HDAC9: variants seen among roughly 807,000 people sequenced by gnomAD.
The protein encoded by HDAC9 is histone deacetylase 9.
Under a neutral mutation model 139.4 loss-of-function variants are expected in HDAC9, and 41 were observed. The observed-to-expected ratio is 0.29, with a 90% CI of 0.23 to 0.38. The LOEUF is 0.38. Ranked by LOEUF, HDAC9 falls within the 10% of genes least tolerant of loss-of-function variation. HDAC9 has a pLI of 1.00. For synonymous variants in HDAC9, 517 were observed against 476.2 expected (o/e 1.09, Z -1.12); for missense variants, 1,147 against 1,297.0 (o/e 0.88, Z 1.78).
intron 2 of HDAC9, among the ~76,000 whole-genome samples, chr7:18,262,304 G>T (rs1795731677): frequency 6.6e-6 from 1 of 152,154 alleles, no homozygotes; most frequent in East Asian, 1.9e-4. Context: ...TCTCTTCAGA[G>T]ACCATGGAGG....
intron 1 of HDAC9, among the ~76,000 whole-genome samples, chr7:18,108,911 G>A (rs780431858): frequency 2.6e-5 from 4 of 152,074 alleles, no homozygotes; most frequent in South Asian, 2.1e-4. Flanking sequence ...GAGCCACTGC[G>A]CCTGGCCACA....
chr7:18,189,413 A>T (rs1013365418), intron 2 of HDAC9, among the ~76,000 whole-genome samples: 6 of 152,200 alleles, frequency 3.9e-5, no homozygotes, highest in Admixed American at 3.9e-4. Context: ...TGGCACATAT[A>T]TACCTATGTG....
chr7:18,199,486 A>T (rs1790953336), intron 2 of HDAC9, among the ~76,000 whole-genome samples: 1 of 152,130 alleles, frequency 6.6e-6, no homozygotes. Flanking sequence ...GCAATCTGAT[A>T]GATAAGAGAT....
intron 22 of HDAC9, among the ~76,000 whole-genome samples, chr7:18,888,964 C>T (rs1295639543): frequency 1.3e-5 from 2 of 152,170 alleles, no homozygotes; most frequent in Non-Finnish European, 2.9e-5. Flanking sequence ...CTATAAGCTA[C>T]AGAAATTACC....
At chr7:18,729,854 A>T (rs754009470) in intron 13 of HDAC9, among the ~76,000 whole-genome samples, 62 of 152,234 alleles carry the variant, frequency 4.1e-4, no homozygotes, top group Non-Finnish European at 7.3e-5. Flanking sequence ...TTTGTACTTA[A>T]TAGGCATTCA....
chr7:18,374,800 G>A (rs1288138852), intron 1 of HDAC9, among the ~76,000 whole-genome samples: 2 of 151,986 alleles, frequency 1.3e-5, no homozygotes, highest in East Asian at 1.9e-4. Context: ...GCATAACAAT[G>A]TTTGGGTCAA....
At chr7:18,211,005 T>TTACTTAAAATGCATGCAAA (rs1389256946) in intron 2 of HDAC9, among the ~76,000 whole-genome samples, 1 of 152,152 alleles carries the variant, frequency 6.6e-6, no homozygotes, top group East Asian at 1.9e-4. Context: ...ATGACCACAG[T>TTACTTAAAATGCATGCAAA]TACTTAAAAT....
intron 22 of HDAC9, chr7:18,892,501 A>G (rs1454149270): frequency 6.6e-6 from 1 of 152,120 alleles, no homozygotes; most frequent in Non-Finnish European, 1.5e-5. Context: ...GTCTACATTT[A>G]TATCAGAAAT....
intron 17 of HDAC9, among the ~76,000 whole-genome samples, chr7:18,809,635 C>T (rs948432186): frequency 1.3e-5 from 2 of 151,842 alleles, no homozygotes; most frequent in African/African-American, 4.8e-5. Context: ...TACTCAACAT[C>T]GCTAATTATC....
At chr7:18,915,644 T>C (rs1408814883) in intron 22 of HDAC9, among the ~76,000 whole-genome samples, 1 of 41,954 alleles carries the variant, frequency 2.4e-5, no homozygotes, top group East Asian at 4.3e-4. Flanking sequence ...TTTCTGCCAT[T>C]GTTAAAAAAA....
At chr7:18,694,467 G>A (rs1024082802) in intron 12 of HDAC9, among the ~76,000 whole-genome samples, 74 of 152,230 alleles carry the variant, frequency 4.9e-4, no homozygotes, top group African/African-American at 1.8e-3. Context: ...GGTGTCTCGG[G>A]AGTGTTCAGA....
rs1436949361 is a variant in HDAC9, at chr7:18,554,111, C to T, written c.23-31170C>T. Reference sequence around the variant, plus strand: ...ATAAGTCCATATATTTATCAGATGTCCTCTAGAGAAGGTATTAATTCTAAT... The same window carrying T: ...ATAAGTCCATATATTTATCAGATGTTCTCTAGAGAAGGTATTAATTCTAAT... On this transcript the variant is annotated intron_variant, in intron 2 of 25. Transcript: ENST00000686413. 2.0e-5 allele frequency among the ~76,000 whole-genome samples: 3 copies of T among 152,096 alleles called. No individual in the cohort carries two copies. The East Asian group carries it at 5.8e-4, about 29-fold the overall frequency.
At chr7:18,152,974 C>G (rs773970674) in intron 1 of HDAC9, among the ~76,000 whole-genome samples, 3 of 152,122 alleles carry the variant, frequency 2.0e-5, no homozygotes, top group Non-Finnish European at 4.4e-5. Context: ...GACAAAGGAA[C>G]AGCATTGGCT....
intron 1 of HDAC9, among the ~76,000 whole-genome samples, chr7:18,308,721 G>A (rs628095): frequency 0.19 from 29,541 of 151,870 alleles, 3,094 homozygotes; most frequent in African/African-American, 0.26. Flanking sequence ...ATGTGTGTAC[G>A]TGTGTATATA....
intron 2 of HDAC9, among the ~76,000 whole-genome samples, chr7:18,545,351 T>C (rs750818615): frequency 2.0e-5 from 3 of 152,110 alleles, no homozygotes; most frequent in Non-Finnish European, 2.9e-5. Flanking sequence ...ACTTGGTGAA[T>C]ATCACTGTGG....
At chr7:18,619,178 A>G (rs1157686780) in intron 6 of HDAC9, among the ~76,000 whole-genome samples, 1 of 152,164 alleles carries the variant, frequency 6.6e-6, no homozygotes, top group Non-Finnish European at 1.5e-5. Flanking sequence ...AGTATTTGTG[A>G]TGCTTGCCAG....
intron 2 of HDAC9, chr7:18,505,945 C>G (rs1195186774): frequency 6.6e-6 from 1 of 152,170 alleles, no homozygotes; most frequent in Admixed American, 6.5e-5. Flanking sequence ...CTCGGTATTT[C>G]TATCTTATGG....
At chr7:18,854,564 C>T (rs1193884873) in intron 21 of HDAC9, among the ~76,000 whole-genome samples, 3 of 150,774 alleles carry the variant, frequency 2.0e-5, no homozygotes, top group African/African-American at 4.9e-5. Flanking sequence ...GAAGAAGAGT[C>T]AATAGGAGGG....
chr7:18,489,191 G>A (rs886837717), intron 1 of HDAC9, among the ~76,000 whole-genome samples: 10 of 152,042 alleles, frequency 6.6e-5, no homozygotes, highest in African/African-American at 2.4e-4. Context: ...CTAAGCTCTG[G>A]TAATACAGGA....
Sources: allele counts gnomAD v4.1 joint callset (sites outside exome capture counted in the v4.1 genomes callset), GRCh38; gene constraint gnomAD v4.1.1; transcripts MANE v1.5; gene names NCBI Gene and HGNC (gene_info 2026-07-23, HGNC 2026-07-21).